CPNE4: variants seen among roughly 807,000 people sequenced by gnomAD.
CPNE4 encodes copine-4.
CPNE4 carries 25 observed loss-of-function variants against 67.9 expected under a neutral mutation model. The observed-to-expected ratio is 0.37, with a 90% CI of 0.27 to 0.51. CPNE4 has a LOEUF of 0.51. CPNE4 is among the 20% of genes least tolerant of loss of function. CPNE4 has a pLI of 0.93. For synonymous variants in CPNE4, 242 were observed against 244.9 expected, an observed-to-expected ratio of 0.99 and a Z score of 0.11; for missense variants, 464 against 690.8, an observed-to-expected ratio of 0.67 and a Z score of 3.68.
intron 3 of CPNE4, among the ~76,000 whole-genome samples, chr3:131,706,478 C>T (rs1156270640): frequency 1.3e-5 from 2 of 152,192 alleles, no homozygotes; most frequent in South Asian, 4.1e-4. Flanking sequence ...TATACAGAAT[C>T]GTAAACCGAA....
At chr3:131,701,056 G>A (rs987914638) in intron 3 of CPNE4, among the ~76,000 whole-genome samples, 9 of 139,858 alleles carry the variant, frequency 6.4e-5, no homozygotes, top group Non-Finnish European at 1.4e-4. Flanking sequence ...AGAACACTTG[G>A]ACACAGGAAG....
intron 7 of CPNE4, among the ~76,000 whole-genome samples, chr3:131,637,029 A>T (rs1371472278): frequency 1.3e-5 from 2 of 152,210 alleles, no homozygotes; most frequent in Non-Finnish European, 2.9e-5. Flanking sequence ...GGGACAAAAG[A>T]ATCTGAACAG....
At chr3:131,736,739 C>T (rs1420160512) in intron 2 of CPNE4, among the ~76,000 whole-genome samples, 1 of 151,946 alleles carries the variant, frequency 6.6e-6, no homozygotes, top group African/African-American at 2.4e-5. Context: ...TGGGCCTTGT[C>T]TCTACCTTGC....
At chr3:131,715,398 C>T (rs182826458) in intron 3 of CPNE4, among the ~76,000 whole-genome samples, 5 of 152,340 alleles carry the variant, frequency 3.3e-5, no homozygotes, top group African/African-American at 1.2e-4. Context: ...TTTGACTTTG[C>T]ATTCATAGAT....
At position 131,990,491 on chromosome 3, in the gene CPNE4, C is replaced by T. The variant is rs751414556; in HGVS notation, c.-2+44076G>A. Among the ~76,000 whole-genome samples, 43 of 134,964 alleles carry T rather than the reference C, an allele frequency of 3.2e-4. 9 individuals carry two copies. The highest frequency in any genetic ancestry group is 5.9e-4 in the Admixed American group (7 of 11,850). 88.5% of individuals were successfully genotyped at this position (134,964 alleles called of 152,430 possible). ...TTAAACACCCCCTGCCCCCAGTAAACACAATAACAATTATATTGTATGAAG... is the reference window on the plus strand; with the variant it reads ...TTAAACACCCCCTGCCCCCAGTAAATACAATAACAATTATATTGTATGAAG... On this transcript the variant is annotated intron_variant, in intron 1 of 15. Transcript: ENST00000429747.
chr3:131,911,825 C>T (rs932208131), intron 1 of CPNE4, among the ~76,000 whole-genome samples: 2 of 152,116 alleles, frequency 1.3e-5, no homozygotes, highest in African/African-American at 4.8e-5. Flanking sequence ...ACAAAATATA[C>T]TGGAGTTCAT....
At chr3:131,949,848 A>C (rs1583497813) in intron 1 of CPNE4, among the ~76,000 whole-genome samples, 1 of 152,248 alleles carries the variant, frequency 6.6e-6, no homozygotes, top group Admixed American at 6.5e-5. Context: ...TCTTTATTAT[A>C]TGTCCCTCCA....
chr3:131,563,386 A>C (rs1171751872), intron 11 of CPNE4, among the ~76,000 whole-genome samples: 1 of 152,082 alleles, frequency 6.6e-6, no homozygotes, highest in East Asian at 1.9e-4. Flanking sequence ...TTCCTTATGC[A>C]TGCACCTAAA....
At chr3:131,605,348 G>A (rs936861591) in intron 7 of CPNE4, among the ~76,000 whole-genome samples, 6 of 152,058 alleles carry the variant, frequency 3.9e-5, no homozygotes. Context: ...CAGGTAGTGA[G>A]CATTGTACCT....
chr3:131,862,491 T>G (rs1166643544), intron 2 of CPNE4, among the ~76,000 whole-genome samples: 1 of 152,088 alleles, frequency 6.6e-6, no homozygotes, highest in African/African-American at 2.4e-5. Flanking sequence ...CCCCAACTAA[T>G]CTACCTCTTA....
At chr3:131,680,639 CTTCTT>C (rs930985877) in intron 6 of CPNE4, among the ~76,000 whole-genome samples, 1 of 151,846 alleles carries the variant, frequency 6.6e-6, no homozygotes, top group African/African-American at 2.4e-5. Context: ...AGTGTTATGT[CTTCTT>C]TTCCCCACAG....
intron 2 of CPNE4, among the ~76,000 whole-genome samples, chr3:131,879,703 G>C (rs1318838744): frequency 6.6e-6 from 1 of 152,146 alleles, no homozygotes; most frequent in Non-Finnish European, 1.5e-5. Flanking sequence ...GTATGGCTTA[G>C]GCAGAGCTCT....
intron 2 of CPNE4, among the ~76,000 whole-genome samples, chr3:131,739,918 C>G (rs1026337183): frequency 1.3e-5 from 2 of 152,170 alleles, no homozygotes; most frequent in African/African-American, 4.8e-5. Context: ...CATCATATCC[C>G]AGTTACCTCT....
At chr3:131,536,232 C>T (rs1935137753) in intron 15 of CPNE4, among the ~76,000 whole-genome samples, 1 of 152,086 alleles carries the variant, frequency 6.6e-6, no homozygotes, top group African/African-American at 2.4e-5. Context: ...TATGGATCTA[C>T]TGCATGATTT....
At chr3:131,543,390 TA>T (rs749937623) in intron 14 of CPNE4, among the ~76,000 whole-genome samples, 1 of 152,254 alleles carries the variant, frequency 6.6e-6, no homozygotes, top group Non-Finnish European at 1.5e-5. Flanking sequence ...ACAACTTCAG[TA>T]GATTAATCTA....
intron 7 of CPNE4, among the ~76,000 whole-genome samples, chr3:131,639,707 A>G (rs1159877373): frequency 6.6e-6 from 1 of 152,172 alleles, no homozygotes; most frequent in Non-Finnish European, 1.5e-5. Flanking sequence ...ACAACAAAAA[A>G]GGGAAACTAC....
intron 2 of CPNE4, among the ~76,000 whole-genome samples, chr3:131,767,493 G>T (rs545498866): frequency 1.4e-4 from 22 of 152,178 alleles, no homozygotes; most frequent in African/African-American, 4.1e-4. Context: ...CATATTAATA[G>T]CCCAGTTGGC....
chr3:131,639,100 G>C (rs2079471214), intron 7 of CPNE4, among the ~76,000 whole-genome samples: 1 of 151,948 alleles, frequency 6.6e-6, no homozygotes, highest in Non-Finnish European at 1.5e-5. Context: ...ACATCACATG[G>C]AACTGGAGAA....
At chr3:131,896,606 G>GT (rs1326974816) in intron 2 of CPNE4, among the ~76,000 whole-genome samples, 1 of 152,118 alleles carries the variant, frequency 6.6e-6, no homozygotes, top group Admixed American at 6.6e-5. Context: ...AAGTATCTGA[G>GT]TTTTAATTGA....
Sources: gnomAD v4.1 joint callset for allele counts (sites outside exome capture counted in the v4.1 genomes callset) on GRCh38, gnomAD v4.1.1 for gene constraint, MANE v1.5 for transcripts, NCBI Gene and HGNC (gene_info 2026-07-23, HGNC 2026-07-21) for gene names.